RNGTT: variants seen among roughly 807,000 people sequenced by gnomAD.
RNGTT encodes RNA guanylyltransferase and 5'-phosphatase.
In RNGTT, 33 loss-of-function variants were observed where a neutral mutation model predicts 79.3. That is an observed-to-expected ratio of 0.42 (90% CI 0.32 to 0.56). RNGTT has a LOEUF of 0.56. Ranked by LOEUF, RNGTT falls within the 20% of genes least tolerant of loss-of-function variation. RNGTT has a pLI of 0.17. For missense variants in RNGTT, 497 were observed against 739.1 expected (o/e 0.67, Z 3.80); for synonymous variants, 222 against 235.9 (o/e 0.94, Z 0.54).
chr6:88,805,228 G>A (rs1173232646), intron 11 of RNGTT, among the ~76,000 whole-genome samples: 2 of 152,166 alleles, frequency 1.3e-5, no homozygotes, highest in Non-Finnish European at 2.9e-5. Context: ...GTAGAGAAAA[G>A]GAAGAGGAAG....
chr6:88,854,286 G>A (rs571904290), intron 8 of RNGTT, among the ~76,000 whole-genome samples: 6 of 152,010 alleles, frequency 3.9e-5, no homozygotes, highest in South Asian at 2.1e-4. Flanking sequence ...CAGAGTATAG[G>A]GAATTCTAAG....
At chr6:88,693,966 C>T (rs1582339557) in intron 13 of RNGTT, among the ~76,000 whole-genome samples, 1 of 152,076 alleles carries the variant, frequency 6.6e-6, no homozygotes, top group South Asian at 2.1e-4. Flanking sequence ...TACTAAAGAC[C>T]ACATATGACA....
At chr6:88,956,392 A>C (rs1363609430) in intron 1 of RNGTT, among the ~76,000 whole-genome samples, 1 of 152,012 alleles carries the variant, frequency 6.6e-6, no homozygotes, top group East Asian at 1.9e-4. Context: ...GAAAACAAAA[A>C]TAAATTAATT....
chr6:88,916,584 A>G (rs1784007320), intron 4 of RNGTT, among the ~76,000 whole-genome samples: 1 of 152,210 alleles, frequency 6.6e-6, no homozygotes, highest in Non-Finnish European at 1.5e-5. Flanking sequence ...TGCTGGTATA[A>G]GTCTGTAGTT....
intron 11 of RNGTT, among the ~76,000 whole-genome samples, chr6:88,808,778 TAGTCAAAACCAA>T (rs375518652): frequency 8.5e-5 from 13 of 152,158 alleles, no homozygotes; most frequent in African/African-American, 3.1e-4. Flanking sequence ...AGGTTTATCA[TAGTCAAAACCAA>T]AGTCAAAACC....
intron 14 of RNGTT, among the ~76,000 whole-genome samples, chr6:88,626,214 G>A (rs1251046497): frequency 1.3e-5 from 2 of 151,908 alleles, no homozygotes; most frequent in South Asian, 2.1e-4. Flanking sequence ...AGTGAGATAC[G>A]CAGATGTAGA....
intron 13 of RNGTT, among the ~76,000 whole-genome samples, chr6:88,709,647 A>G (rs1046925511): frequency 6.6e-6 from 1 of 152,234 alleles, no homozygotes; most frequent in Admixed American, 6.5e-5. Context: ...CAACATAGCA[A>G]TACATATCAG....
At chr6:88,933,916 A>G (rs1784584752) in intron 2 of RNGTT, among the ~76,000 whole-genome samples, 1 of 152,228 alleles carries the variant, frequency 6.6e-6, no homozygotes, top group Admixed American at 6.5e-5. Context: ...AGAAATTTCC[A>G]TACTGTTTTC....
At chr6:88,836,497 T>A (rs1425850153) in intron 11 of RNGTT, among the ~76,000 whole-genome samples, 1 of 152,042 alleles carries the variant, frequency 6.6e-6, no homozygotes, top group Non-Finnish European at 1.5e-5. Context: ...ATCCCATCAC[T>A]TTGGGAGGTC....
At chr6:88,701,489 GT>G (rs1775943872) in intron 13 of RNGTT, among the ~76,000 whole-genome samples, 1 of 151,902 alleles carries the variant, frequency 6.6e-6, no homozygotes, top group African/African-American at 2.4e-5. Flanking sequence ...GTAAGCATAT[GT>G]TTCTGTAAAT....
chr6:88,941,732 C>T (rs1562064515), intron 1 of RNGTT, among the ~76,000 whole-genome samples: 2 of 150,534 alleles, frequency 1.3e-5, no homozygotes, highest in Non-Finnish European at 1.5e-5. Context: ...GGCGCAATCT[C>T]GGCTCACTGC....
chr6:88,762,928 T>C (rs1477465770), intron 13 of RNGTT, among the ~76,000 whole-genome samples: 5 of 151,680 alleles, frequency 3.3e-5, no homozygotes, highest in African/African-American at 4.9e-5. Context: ...GGTATTTTCT[T>C]TTTCCTTTTT....
At chr6:88,619,086 C>T (rs1257004507) in intron 14 of RNGTT, among the ~76,000 whole-genome samples, 2 of 152,040 alleles carry the variant, frequency 1.3e-5, no homozygotes, top group East Asian at 1.9e-4. Flanking sequence ...CTAGTTTTGG[C>T]CACTGAAAAC....
intron 12 of RNGTT, among the ~76,000 whole-genome samples, chr6:88,773,461 A>C (rs1380417845): frequency 2.6e-5 from 4 of 151,458 alleles, no homozygotes. Flanking sequence ...CCTAAAACTT[A>C]AAGTATAATA....
chr6:88,752,266 T>C (rs1227348471), intron 13 of RNGTT, among the ~76,000 whole-genome samples: 1 of 152,020 alleles, frequency 6.6e-6, no homozygotes, highest in African/African-American at 2.4e-5. Flanking sequence ...CTATTACTAA[T>C]TATTTCACAA....
rs1259259763 is a variant in RNGTT, at chr6:88,610,905, G to A, written c.*1814C>T. The A allele has an allele frequency of 2.6e-5, 4 of 152,178 alleles. No homozygotes were observed. The highest frequency in any genetic ancestry group is 7.2e-5 in the African/African-American group (3 of 41,458). The allele number at this position is 152,178 out of a possible 1,614,324, so 9.4% of individuals were successfully genotyped here. ...GCAGCACACCGTGGAAGAGTCACTC[G>A]TCCTGGGGAAGCAGGCATCAGACTA... On this transcript the variant is annotated 3_prime_UTR_variant, in exon 16 of 16. Coordinates refer to ENST00000369485, the MANE Select transcript of RNGTT (RefSeq NM_003800.5).
intron 14 of RNGTT, among the ~76,000 whole-genome samples, chr6:88,651,085 T>A (rs1217512449): frequency 6.6e-6 from 1 of 152,016 alleles, no homozygotes; most frequent in East Asian, 1.9e-4. Context: ...TTGAGCTCTC[T>A]TTATACTCCC....
At chr6:88,744,393 C>T (rs1269561891) in intron 13 of RNGTT, among the ~76,000 whole-genome samples, 1 of 152,082 alleles carries the variant, frequency 6.6e-6, no homozygotes, top group African/African-American at 2.4e-5. Context: ...TCCAGAGTAG[C>T]TAAGACTACA....
At chr6:88,810,266 G>A (rs1447256604) in intron 11 of RNGTT, among the ~76,000 whole-genome samples, 1 of 152,144 alleles carries the variant, frequency 6.6e-6, no homozygotes, top group African/African-American at 2.4e-5. Context: ...CACTGAAGAC[G>A]GAACAGCCAT....
Sources: allele counts gnomAD v4.1 joint callset (sites outside exome capture counted in the v4.1 genomes callset), GRCh38; gene constraint gnomAD v4.1.1; transcripts MANE v1.5; gene names NCBI Gene and HGNC (gene_info 2026-07-23, HGNC 2026-07-21).